The following PDE4D variants were observed in gnomAD, a reference collection of about 807,000 sequenced individuals.
PDE4D encodes phosphodiesterase 4D.
A neutral mutation model predicts 87.4 loss-of-function variants in PDE4D; 24 were observed. That is an observed-to-expected ratio of 0.27 (90% confidence interval 0.20 to 0.39). The LOEUF (loss-of-function observed/expected upper bound fraction) is 0.39, where lower values mean the gene tolerates loss of function less well. PDE4D is among the 10% of genes least tolerant of loss of function. The pLI is 1.00. For missense variants in PDE4D, 714 were observed against 1,041.0 expected (o/e 0.69, Z 4.32); for synonymous variants, 384 against 383.2 (o/e 1.00, Z -0.02).
intron 1 of PDE4D, among the ~76,000 whole-genome samples, chr5:59,250,503 AAAAG>A (rs1212877619): frequency 4.0e-5 from 6 of 151,576 alleles, no homozygotes; most frequent in African/African-American, 4.8e-5. Context: ...GAAAAAAAAA[AAAAG>A]AAAGAAAGAA....
chr5:59,784,252 T>TA lies in PDE4D; in HGVS notation c.455+108915dup, dbSNP rs60194125. Reference sequence around the variant, plus strand: ...AAAAGTAACTTCCTTTTTTTTTTTTTAAAAAAAAAAAGGGGATTGTGCTTT... The same window carrying TA: ...AAAAGTAACTTCCTTTTTTTTTTTTTAAAAAAAAAAAAGGGGATTGTGCTTT... On this transcript the variant is annotated intron_variant, in intron 1 of 14. Coordinates refer to ENST00000340635, the MANE Select transcript of PDE4D (RefSeq NM_001104631.2). 3.1e-3 allele frequency among the ~76,000 whole-genome samples: 441 copies of TA among 142,404 alleles called. 3 individuals are homozygous for TA. The highest frequency in any genetic ancestry group is 0.015 in the Middle Eastern group (4 of 274). 93.4% of individuals were successfully genotyped at this position (142,404 alleles called of 152,430 possible).
chr5:59,527,568 T>C (rs1049176163), intron 1 of PDE4D, among the ~76,000 whole-genome samples: 1 of 152,214 alleles, frequency 6.6e-6, no homozygotes, highest in South Asian at 2.1e-4. Flanking sequence ...CCTATTCTTA[T>C]TTCTTCAAAA....
intron 2 of PDE4D, among the ~76,000 whole-genome samples, chr5:60,079,961 T>C (rs1172607487): frequency 6.6e-6 from 1 of 152,204 alleles, no homozygotes; most frequent in African/African-American, 2.4e-5. Context: ...ATAAATTACT[T>C]TGGGCAGTAT....
chr5:59,994,266 A>T (rs912451631), intron 2 of PDE4D, among the ~76,000 whole-genome samples: 9 of 151,644 alleles, frequency 5.9e-5, no homozygotes, highest in African/African-American at 1.9e-4. Context: ...GAGAAATAAA[A>T]TTTCTATAAG....
At chr5:59,586,808 G>A in intron 1 of PDE4D, 1 of 985,372 alleles carries the variant, frequency 1.0e-6, no homozygotes, top group Non-Finnish European at 1.2e-6. Context: ...TTAAAGAAGT[G>A]TTAGAAGGGA....
intron 1 of PDE4D, among the ~76,000 whole-genome samples, chr5:60,401,316 A>T (rs1362592028): frequency 6.6e-6 from 1 of 152,224 alleles, no homozygotes; most frequent in Non-Finnish European, 1.5e-5. Flanking sequence ...TGATGACATG[A>T]TATAAAGTCT....
intron 1 of PDE4D, among the ~76,000 whole-genome samples, chr5:59,305,156 T>C (rs1324337164): frequency 6.6e-6 from 1 of 152,166 alleles, no homozygotes; most frequent in Non-Finnish European, 1.5e-5. Context: ...ATCCATCTCT[T>C]CTAGGTTTTC....
At chr5:60,036,994 C>T (rs141888581) in intron 2 of PDE4D, among the ~76,000 whole-genome samples, 3 of 152,230 alleles carry the variant, frequency 2.0e-5, no homozygotes, top group Non-Finnish European at 2.9e-5. Flanking sequence ...AAAACGCTAC[C>T]TCCATGCAAG....
chr5:59,964,100 T>G (rs1759752906), intron 3 of PDE4D, among the ~76,000 whole-genome samples: 1 of 152,130 alleles, frequency 6.6e-6, no homozygotes, highest in South Asian at 2.1e-4. Flanking sequence ...TGCACTTGGT[T>G]CCATGAGAGA....
At chr5:60,238,442 T>G (rs1474423280) in intron 1 of PDE4D, among the ~76,000 whole-genome samples, 2 of 152,010 alleles carry the variant, frequency 1.3e-5, no homozygotes, top group Non-Finnish European at 2.9e-5. Context: ...GTGGAATTCC[T>G]CCTTCAAGAT....
At chr5:60,256,794 T>C (rs1023112386) in intron 1 of PDE4D, among the ~76,000 whole-genome samples, 7 of 151,908 alleles carry the variant, frequency 4.6e-5, no homozygotes, top group African/African-American at 1.7e-4. Flanking sequence ...CAAACAAGAA[T>C]GGGTTTGCTT....
At chr5:60,512,107 A>G (rs1484978760) in intron 1 of PDE4D, among the ~76,000 whole-genome samples, 4 of 152,188 alleles carry the variant, frequency 2.6e-5, no homozygotes, top group Admixed American at 2.6e-4. Flanking sequence ...AAACACATAC[A>G]AGGCAGGATC....
upstream of PDE4D, among the ~76,000 whole-genome samples, chr5:59,895,574 C>A (rs754297522): frequency 5.3e-5 from 8 of 152,196 alleles, no homozygotes; most frequent in Non-Finnish European, 1.0e-4. Context: ...GGGCACTAAG[C>A]CAGTATTTTC....
intron 1 of PDE4D, among the ~76,000 whole-genome samples, chr5:59,534,620 C>T (rs1431553573): frequency 6.6e-6 from 1 of 152,140 alleles, no homozygotes; most frequent in Non-Finnish European, 1.5e-5. Context: ...TACCAAGAGG[C>T]CTTGTGGGAT....
intron 1 of PDE4D, among the ~76,000 whole-genome samples, chr5:59,300,445 A>G (rs781051369): frequency 6.6e-6 from 1 of 152,188 alleles, no homozygotes; most frequent in Non-Finnish European, 1.5e-5. Flanking sequence ...ATTAATCAAT[A>G]ATAAATCCTA....
At chr5:59,803,116 TCCTCA>T (rs1289055709) in intron 1 of PDE4D, among the ~76,000 whole-genome samples, 3 of 152,114 alleles carry the variant, frequency 2.0e-5, no homozygotes, top group Non-Finnish European at 4.4e-5. Context: ...ACCAGAGGAA[TCCTCA>T]CCAGGGGAGT....
intron 1 of PDE4D, among the ~76,000 whole-genome samples, chr5:59,508,508 G>T (rs1301840532): frequency 6.6e-6 from 1 of 151,574 alleles, no homozygotes; most frequent in African/African-American, 2.4e-5. Context: ...AATTTCCAGA[G>T]ATAAAATACT....
At chr5:59,456,265 A>C (rs1171943123) in intron 1 of PDE4D, among the ~76,000 whole-genome samples, 1 of 152,158 alleles carries the variant, frequency 6.6e-6, no homozygotes, top group South Asian at 2.1e-4. Flanking sequence ...AGGTGATTCA[A>C]TTATGGGGGC....
intron 1 of PDE4D, among the ~76,000 whole-genome samples, chr5:59,414,237 T>C (rs1438408730): frequency 1.3e-5 from 2 of 152,200 alleles, no homozygotes; most frequent in African/African-American, 4.8e-5. Context: ...TTCAAAGATA[T>C]GGAATGTGAA....
Sources: allele counts gnomAD v4.1 joint callset (sites outside exome capture counted in the v4.1 genomes callset), GRCh38; gene constraint gnomAD v4.1.1; transcripts MANE v1.5; gene names NCBI Gene and HGNC (gene_info 2026-07-23, HGNC 2026-07-21).